CA5B: variants seen among roughly 807,000 people sequenced by gnomAD.
CA5B encodes carbonic anhydrase 5B, also known as carbonic anhydrase 5B, mitochondrial.
CA5B carries 15 observed loss-of-function variants against 23.1 expected under a neutral mutation model. The observed-to-expected ratio is 0.65, with a 90% confidence interval of 0.43 to 1.00. The LOEUF is 1.00. Among genes scored for constraint, CA5B ranks in the 50% least tolerant of loss-of-function variants. The pLI, the probability that CA5B is intolerant of heterozygous loss-of-function variation, is 0.00. For synonymous variants in CA5B, 84 were observed against 98.5 expected (o/e 0.85, Z 0.87); for missense variants, 236 against 252.2 (o/e 0.94, Z 0.43).
At chrX:15,766,795 T>C (rs1411781334) in intron 3 of CA5B, 2 of 232,196 alleles carry the variant, frequency 8.6e-6, no homozygotes, top group Admixed American at 1.2e-4. Context: ...TTAAAATATA[T>C]TTAGTGGGTA....
At chrX:15,765,045 G>A in intron 3 of CA5B, 1 of 282,470 alleles carries the variant, frequency 3.5e-6, no homozygotes, top group Non-Finnish European at 6.1e-6. Flanking sequence ...GCATAGGTGT[G>A]CAATGGAAGT....
intron 1 of CA5B, among the ~76,000 whole-genome samples, chrX:15,741,502 C>G (rs1298622799): frequency 9.2e-6 from 1 of 108,509 alleles, no homozygotes; most frequent in Non-Finnish European, 1.9e-5. Flanking sequence ...TTTTTTGAGA[C>G]AGTGTCTTGC....
At position 15,784,230 on chromosome X, in the gene CA5B, T is replaced by C; in HGVS notation, c.*1566T>C. The C allele has an allele frequency of 8.9e-6, 1 of 112,527 alleles. No individual in the cohort carries two copies. The highest frequency in any genetic ancestry group is 1.9e-5 in the Non-Finnish European group (1 of 53,301). The allele number at this position is 112,527 out of a possible 1,213,427, so 9.3% of individuals were successfully genotyped here. A position where few individuals can be genotyped will look rare whatever the true frequency, so the allele number is the denominator to read the frequency against. The stretch of plus-strand genomic sequence containing the variant: ...AAAGGACTAGTAATCTAATAGCCTA[T>C]AGTTTATATTATTATTTTGTATTAT... On this transcript the variant is annotated 3_prime_UTR_variant, in exon 8 of 8. Transcript: ENST00000318636.
chrX:15,765,990 T>G (rs907573042), intron 3 of CA5B, among the ~76,000 whole-genome samples: 9 of 107,898 alleles, frequency 8.3e-5, no homozygotes, highest in African/African-American at 3.0e-4. Flanking sequence ...AACCCCATCT[T>G]TACTAAAATA....
chrX:15,768,679 AT>A (rs1347732397), intron 3 of CA5B: 1 of 110,194 alleles, frequency 9.1e-6, no homozygotes, highest in African/African-American at 3.3e-5. Flanking sequence ...CTTTGCTGCT[AT>A]TTCTCCATGT....
At chrX:15,767,487 A>AACCTCCTGGACTCAAGCAATCCTCC (rs2147264200) in intron 3 of CA5B, among the ~76,000 whole-genome samples, 1 of 106,533 alleles carries the variant, frequency 9.4e-6, no homozygotes, top group African/African-American at 3.5e-5. Flanking sequence ...CTGCAGCCTC[A>AACCTCCTGGACTCAAGCAATCCTCC]ACCTCCTGGA....
chrX:15,748,423 C>T (rs1363671770), intron 1 of CA5B, among the ~76,000 whole-genome samples: 1 of 111,544 alleles, frequency 9.0e-6, no homozygotes, highest in Non-Finnish European at 1.9e-5. Context: ...TTCTTAACTC[C>T]TATATCACTA....
rs777606855 is a variant in CA5B at position 15,773,534 on chromosome X, C to G, written c.460-768C>G. Among the ~76,000 whole-genome samples the G allele has an allele frequency of 5.6e-5, 6 of 106,951 alleles. No individual in the cohort carries two copies. The East Asian group carries it at 1.8e-3, about 32-fold the overall frequency. The allele number at this position is 106,951 out of a possible 115,157, so 92.9% of individuals were successfully genotyped here. ...ACACCATTCTCCTGTCTCAGCCCCC[C>G]AAGTAGCTGGGACTACAAGCGCCCA... On this transcript the variant is annotated intron_variant, in intron 4 of 7. Coordinates refer to ENST00000318636, the MANE Select transcript of CA5B (RefSeq NM_007220.4).
At chrX:15,753,665 T>G (rs113905187) in intron 2 of CA5B, among the ~76,000 whole-genome samples, 1,931 of 112,446 alleles carry the variant, frequency 0.017, 43 homozygotes, top group African/African-American at 0.06. Context: ...TCCCAGCACT[T>G]TGGGAGGCCA....
At chrX:15,779,461 A>G (rs1357857984) in intron 7 of CA5B, among the ~76,000 whole-genome samples, 1 of 112,418 alleles carries the variant, frequency 8.9e-6, no homozygotes, top group Non-Finnish European at 1.9e-5. Context: ...AATCAAGTTG[A>G]CACATAAAAT....
At position 15,785,537 on chromosome X, in the gene CA5B, T is replaced by C. The variant is rs1932097694; in HGVS notation, c.*2873T>C. On this transcript the variant is annotated 3_prime_UTR_variant, in exon 8 of 8. Transcript: ENST00000318636. The stretch of plus-strand genomic sequence containing the variant: ...GGTTGGGGGAAGGGGAGAGGGTGAA[T>C]TTGTATTTAGTGGGTACAGAGCTTG... 8.9e-6 allele frequency: 1 copy of C among 111,970 alleles called. No homozygotes were observed. The highest frequency in any genetic ancestry group is 1.9e-5 in the Non-Finnish European group (1 of 53,186). The allele number at this position is 111,970 out of a possible 1,213,427, so 9.2% of individuals were successfully genotyped here. A position where few individuals can be genotyped will look rare whatever the true frequency, so the allele number is the denominator to read the frequency against.
chrX:15,769,493 G>A, intron 3 of CA5B: 2 of 752,731 alleles, frequency 2.7e-6, no homozygotes, highest in Non-Finnish European at 3.1e-6. Context: ...CTGTCAACAG[G>A]CATTAAGGAG....
At chrX:15,755,318 T>G (rs1268009856) in intron 2 of CA5B, among the ~76,000 whole-genome samples, 3 of 112,088 alleles carry the variant, frequency 2.7e-5, no homozygotes, top group Non-Finnish European at 5.6e-5. Flanking sequence ...TCTCCTGTGC[T>G]GATAACTGCA....
In CA5B at chrX:15,784,117, AC is replaced by A. The variant is rs1169742669; in HGVS notation, c.*1455del. The A allele has an allele frequency of 2.7e-5, 3 of 111,265 alleles. No homozygotes were observed. The highest frequency in any genetic ancestry group is 9.8e-5 in the African/African-American group (3 of 30,753). The allele number at this position is 111,265 out of a possible 1,213,427, so 9.2% of individuals were successfully genotyped here. ...TGGCCAGGCTGGTCTTGAACTCCTG[AC>A]CTCAGGTGATCCACCCGCCTTGGCC... On this transcript the variant is annotated 3_prime_UTR_variant, in exon 8 of 8. Transcript: ENST00000318636.
chrX:15,757,004 G>C (rs921760893), intron 2 of CA5B, among the ~76,000 whole-genome samples: 1 of 103,909 alleles, frequency 9.6e-6, no homozygotes, highest in Non-Finnish European at 2.0e-5. Context: ...GCAGTGAGCC[G>C]AGATCGCGCC....
At chrX:15,767,679 C>G (rs769940466) in intron 3 of CA5B, among the ~76,000 whole-genome samples, 1 of 110,186 alleles carries the variant, frequency 9.1e-6, no homozygotes, top group Non-Finnish European at 1.9e-5. Context: ...ACCTCTGCCT[C>G]CCGGGCTCAA....
At chrX:15,752,744 G>A (rs1931400413) in intron 2 of CA5B, among the ~76,000 whole-genome samples, 1 of 110,020 alleles carries the variant, frequency 9.1e-6, no homozygotes, top group Admixed American at 9.6e-5. Flanking sequence ...AAAAATCTCT[G>A]TTAACATAGC....
intron 2 of CA5B, among the ~76,000 whole-genome samples, chrX:15,762,092 A>G (rs1474664189): frequency 9.0e-6 from 1 of 110,539 alleles, no homozygotes; most frequent in Non-Finnish European, 1.9e-5. Context: ...ACACAGCGAA[A>G]CCCCATCTCT....
chrX:15,762,913 C>T, intron 2 of CA5B: 1 of 348,396 alleles, frequency 2.9e-6, no homozygotes, highest in Non-Finnish European at 5.8e-6. Context: ...GTGTTATCAG[C>T]AAGTCTGCTG....
Sources: allele counts gnomAD v4.1 joint callset (sites outside exome capture counted in the v4.1 genomes callset), GRCh38; gene constraint gnomAD v4.1.1; transcripts MANE v1.5; gene names NCBI Gene and HGNC (gene_info 2026-07-23, HGNC 2026-07-21).